Variants in KIRREL1 observed in about 807,000 individuals in gnomAD.
The protein encoded by KIRREL1 is kin of IRRE-like protein 1.
Under a neutral mutation model 83.3 loss-of-function variants are expected in KIRREL1, and 25 were observed. That is an observed-to-expected ratio of 0.30 (90% CI 0.22 to 0.42). The LOEUF is 0.42. Among genes scored for constraint, KIRREL1 ranks in the 10% least tolerant of loss-of-function variants. The pLI is 1.00. For missense variants in KIRREL1, 812 were observed against 1,032.3 expected, an observed-to-expected ratio of 0.79 and a Z score of 2.92; for synonymous variants, 388 against 410.4, an observed-to-expected ratio of 0.95 and a Z score of 0.66.
intron 1 of KIRREL1, among the ~76,000 whole-genome samples, chr1:158,067,769 G>A (rs570389297): frequency 1.3e-5 from 2 of 152,322 alleles, no homozygotes; most frequent in Admixed American, 1.3e-4. Flanking sequence ...TCAGGGCTCT[G>A]TTCCTGCCTC....
chr1:158,056,909 A>G (rs561227155), intron 1 of KIRREL1, among the ~76,000 whole-genome samples: 1 of 152,202 alleles, frequency 6.6e-6, no homozygotes, highest in Admixed American at 6.5e-5. Context: ...ACAGGGAAGG[A>G]GTCATTCAGT....
At position 158,088,461 on chromosome 1, in the gene KIRREL1, C is replaced by T. The variant is rs370434791; in HGVS notation, c.1044+7C>T. 10 of 1,216,302 alleles carry T rather than the reference C, an allele frequency of 8.2e-6. No individual in the cohort carries two copies. The highest frequency in any genetic ancestry group is 1.2e-5 in the Non-Finnish European group (10 of 856,822). 75.3% of individuals were successfully genotyped at this position (1,216,302 alleles called of 1,614,324 possible). On this transcript the variant is annotated splice_region_variant and intron_variant, in intron 8 of 14. Transcript: ENST00000359209. ...CAAAAAGGACTCAAATATGGTAAGA[C>T]TCTTACTGCCTGTTCTTTTTTTTTT...
At chr1:158,000,407 CCT>C (rs1470838791) in intron 1 of KIRREL1, among the ~76,000 whole-genome samples, 3 of 152,318 alleles carry the variant, frequency 2.0e-5, no homozygotes, top group Admixed American at 6.5e-5. Context: ...TGCCCTGCAT[CCT>C]CTCTGATAGA....
Position 158,073,558 on chromosome 1 carries a change from C to A in KIRREL1, c.53-2555C>A, listed in dbSNP as rs1036117859. ...AATGAAGCTTAGCAAATAACTTGGC[C>A]AAGGTCACTGGGTGAGAAAGCCACA... On this transcript the variant is annotated intron_variant, in intron 1 of 14. Coordinates refer to ENST00000359209, the MANE Select transcript of KIRREL1 (RefSeq NM_018240.7). Among the ~76,000 whole-genome samples the A allele has an allele frequency of 5.3e-5, 8 of 152,290 alleles. No individual in the cohort carries two copies. The East Asian group carries it at 1.5e-3, about 29-fold the overall frequency.
rs1312360170 is a variant in KIRREL1, at chr1:158,093,397, C to A, written c.1530C>A (p.Ile510=). 1 of 1,614,186 alleles carries A rather than the reference C, an allele frequency of 6.2e-7. No individual in the cohort carries two copies. Among genetic ancestry groups the A allele is most frequent in the Admixed American group, 1.7e-5 (1 of 60,028 alleles). The part of the protein sequence containing the change: ...GATIGASILL[I]FFFIALVFFL... Reference sequence around the variant, plus strand: ...CCATCGGCGCGAGCATCCTGCTCATCTTCTTCTTCATCGCCTTGGTATTCT... The same window carrying A: ...CCATCGGCGCGAGCATCCTGCTCATATTCTTCTTCATCGCCTTGGTATTCT... The change falls in exon 12 of 15, where the codon ATC becomes ATA. Residue 510 remains isoleucine, a synonymous_variant. Coordinates refer to ENST00000359209, the MANE Select transcript of KIRREL1 (RefSeq NM_018240.7).
At position 158,094,295 on chromosome 1, in the gene KIRREL1, A is replaced by T; in HGVS notation, c.1720-18A>T. 4 of 1,592,002 alleles carry T rather than the reference A, an allele frequency of 2.5e-6. No individual in the cohort carries two copies. The highest frequency in any genetic ancestry group is 3.4e-6 in the Non-Finnish European group (4 of 1,170,456). On this transcript the variant is annotated intron_variant, in intron 13 of 14. Coordinates refer to ENST00000359209, the MANE Select transcript of KIRREL1 (RefSeq NM_018240.7). The surrounding 1 kb of genome is among the most constrained non-coding windows in gnomAD (Gnocchi z 4.6). ...CAGGGCTTCCGTCTGCTGACGTCCC[A>T]CTCCTGCTGCTCCACAGTCGTTTAA...
chr1:158,043,739 T>C (rs1660703068), intron 1 of KIRREL1, among the ~76,000 whole-genome samples: 1 of 151,980 alleles, frequency 6.6e-6, no homozygotes, highest in Admixed American at 6.6e-5. Context: ...AAATGTGCCT[T>C]CCTGGGGCAC....
chr1:158,083,868 G>A (rs1263390327), intron 3 of KIRREL1, among the ~76,000 whole-genome samples: 2 of 152,204 alleles, frequency 1.3e-5, no homozygotes, highest in African/African-American at 4.8e-5. Context: ...GTTCACGCCT[G>A]TAATCCCAGC....
At position 158,095,221 on chromosome 1, in the gene KIRREL1, C is replaced by A; in HGVS notation, c.*101C>A. 1.1e-6 allele frequency: 1 copy of A among 873,224 alleles called. No homozygotes were observed. The highest frequency in any genetic ancestry group is 1.7e-6 in the Non-Finnish European group (1 of 581,486). The allele number at this position is 873,224 out of a possible 1,614,324, so 54.1% of individuals were successfully genotyped here. ...CATTGCTCATTGCTCCCTTCTCGGA[C>A]CAGCCTTCTTCCTCCCACCATGGCA... On this transcript the variant is annotated 3_prime_UTR_variant, in exon 15 of 15. Transcript: ENST00000359209.
intron 1 of KIRREL1, among the ~76,000 whole-genome samples, chr1:158,056,804 G>T (rs886556195): frequency 2.0e-5 from 3 of 152,168 alleles, no homozygotes; most frequent in Non-Finnish European, 4.4e-5. Flanking sequence ...GGCAGCCTGG[G>T]CTTGGAGCTA....
intron 1 of KIRREL1, among the ~76,000 whole-genome samples, chr1:158,074,930 AAAG>A (rs550645672): frequency 5.5e-4 from 84 of 152,252 alleles, no homozygotes; most frequent in Middle Eastern, 3.4e-3. Flanking sequence ...CTGTGGAGGG[AAAG>A]AAGAAGGAGG....
chr1:158,082,686 G>C (rs980165522), intron 3 of KIRREL1, among the ~76,000 whole-genome samples: 5 of 152,118 alleles, frequency 3.3e-5, no homozygotes, highest in African/African-American at 1.2e-4. Flanking sequence ...ATCTTTTATC[G>C]GTGGAGCACG....
chr1:158,087,995 T>A lies in KIRREL1; in HGVS notation c.768-11T>A, dbSNP rs1662067241. 6.2e-7 allele frequency: 1 copy of A among 1,613,988 alleles called. No homozygotes were observed. Among genetic ancestry groups the A allele is most frequent in the Non-Finnish European group, 8.5e-7 (1 of 1,179,926 alleles). On this transcript the variant is annotated splice_polypyrimidine_tract_variant and intron_variant, in intron 6 of 14. Transcript: ENST00000359209. ...GGCCTGATCCCACCTCTGTGTTGCC[T>A]CCTCCCCTAGGTGGGCCAAAGGGGG... is the stretch of plus-strand genomic sequence containing the variant.
chr1:158,030,396 C>T (rs755289934), intron 1 of KIRREL1, among the ~76,000 whole-genome samples: 1 of 152,198 alleles, frequency 6.6e-6, no homozygotes, highest in African/African-American at 2.4e-5. Context: ...ATCCCAATAC[C>T]TTTATATCAT....
chr1:158,087,809 G>C lies in KIRREL1; in HGVS notation c.716G>C (p.Arg239Pro). The C allele has an allele frequency of 6.2e-7, 1 of 1,614,134 alleles. No individual in the cohort carries two copies. The highest frequency in any genetic ancestry group is 8.5e-7 in the Non-Finnish European group (1 of 1,180,014). ...CCACAGACGGTGCAGGAGGGTGAGC[G>C]TGTTGTCTTTACCTGCCAGGCCACA... is the stretch of plus-strand genomic sequence containing the variant. ...IEPQTVQEGERVVFTCQATAN... is the reference protein window; with the variant it reads ...IEPQTVQEGEPVVFTCQATAN... The change falls in exon 6 of 15, where the codon CGT (arginine) becomes CCT (proline). Residue 239 changes from arginine to proline, a missense_variant. Coordinates refer to ENST00000359209, the MANE Select transcript of KIRREL1 (RefSeq NM_018240.7).
intron 4 of KIRREL1, among the ~76,000 whole-genome samples, chr1:158,085,203 G>T (rs1661981220): frequency 1.3e-5 from 2 of 152,246 alleles, no homozygotes; most frequent in Non-Finnish European, 2.9e-5. Context: ...GGACAGTACA[G>T]CTGGAATTCA....
In KIRREL1 at chr1:158,088,438, A is replaced by AAAAGGACTC; in HGVS notation, c.1032_1040dup (p.Lys344_Ser346dup). ...CCCCCCCTCACTCTCACCTGGACCA[A>AAAAGGACTC]AAAGGACTCAAATATGGTAAGACTC... On this transcript the variant is annotated inframe_insertion, in exon 8 of 15. Transcript: ENST00000359209. The AAAAGGACTC allele has an allele frequency of 6.2e-7, 1 of 1,602,304 alleles. No individual in the cohort carries two copies. The highest frequency in any genetic ancestry group is 8.5e-7 in the Non-Finnish European group (1 of 1,176,470).
At chr1:158,014,414 C>T (rs1236929376) in intron 1 of KIRREL1, among the ~76,000 whole-genome samples, 3 of 152,072 alleles carry the variant, frequency 2.0e-5, no homozygotes, top group Non-Finnish European at 4.4e-5. Context: ...ATTAAGTAAC[C>T]GGCCGCAGGT....
chr1:158,058,894 A>T (rs1019825446), intron 1 of KIRREL1, among the ~76,000 whole-genome samples: 2 of 152,112 alleles, frequency 1.3e-5, no homozygotes, highest in African/African-American at 4.8e-5. Flanking sequence ...AGAACATAAT[A>T]CTGAGCTCCT....
Sources: gnomAD v4.1 joint callset for allele counts (sites outside exome capture counted in the v4.1 genomes callset) on GRCh38, gnomAD v4.1.1 for gene constraint, Gnocchi (gnomAD v3.1) non-coding constraint, MANE v1.5 for transcripts, NCBI Gene and HGNC (gene_info 2026-07-23, HGNC 2026-07-21) for gene names.